SNX6: variants seen among roughly 807,000 people sequenced by gnomAD.
The protein encoded by SNX6 is sorting nexin 6.
In SNX6, 34 loss-of-function variants were observed where a neutral mutation model predicts 63.0. The observed-to-expected ratio is 0.54, with a 90% CI of 0.41 to 0.72. The LOEUF (loss-of-function observed/expected upper bound fraction) is 0.72. Ranked by LOEUF, SNX6 falls within the 30% of genes least tolerant of loss-of-function variation. The pLI is 0.00. For synonymous variants in SNX6, 170 were observed against 164.2 expected, an observed-to-expected ratio of 1.04 and a Z score of -0.27; for missense variants, 398 against 471.4, an observed-to-expected ratio of 0.84 and a Z score of 1.44.
chr14:34,609,717 T>G lies in SNX6; in HGVS notation c.80A>C (p.Gln27Pro), dbSNP rs1883152170. ...RGLKAINVDLQSDAALQVDIS... is the reference protein window; with the variant it reads ...RGLKAINVDLPSDAALQVDIS... ...GTCCACCTGCAGAGCAGCATCACTT[T>G]GAAGATCTACATTTATTGCTTTAAG... The change falls in exon 3 of 14, where the codon CAA (glutamine) becomes CCA (proline). Residue 27 changes from glutamine to proline, a missense_variant. Physicochemically the swap from Gln to Pro is moderately conservative, Grantham distance 76 (BLOSUM62 -1). Coordinates refer to ENST00000362031, the MANE Select transcript of SNX6 (RefSeq NM_152233.4). 6.2e-7 allele frequency: 1 copy of G among 1,611,914 alleles called. No individual in the cohort carries two copies.
intron 2 of SNX6, among the ~76,000 whole-genome samples, chr14:34,619,248 C>T (rs926181997): frequency 6.6e-6 from 1 of 152,006 alleles, no homozygotes; most frequent in Non-Finnish European, 1.5e-5. Flanking sequence ...ATGGTGAAAC[C>T]CCATCTCTAC....
At chr14:34,582,062 C>T (rs1006224460) in intron 9 of SNX6, among the ~76,000 whole-genome samples, 1 of 151,354 alleles carries the variant, frequency 6.6e-6, no homozygotes, top group African/African-American at 2.4e-5. Context: ...CTCTTGACCT[C>T]GTGATCCGCC....
intron 8 of SNX6, among the ~76,000 whole-genome samples, chr14:34,591,847 C>CATA (rs75277332): frequency 2.7e-4 from 41 of 152,056 alleles, no homozygotes; most frequent in Middle Eastern, 3.4e-3. Context: ...TATTCATAAA[C>CATA]AGTTTATCAG....
intron 13 of SNX6, among the ~76,000 whole-genome samples, chr14:34,564,412 G>A (rs748076857): frequency 1.3e-5 from 2 of 152,154 alleles, no homozygotes; most frequent in Non-Finnish European, 2.9e-5. Context: ...AACCACAAAT[G>A]TCTCCAGATA....
chr14:34,608,080 T>C lies in SNX6; in HGVS notation c.220A>G (p.Ile74Val), dbSNP rs1384232714. ...FSVVRQHEEF[I>V]WLHDSFVENE... Reference sequence around the variant, plus strand: ...TCAACAAAGGAATCATGAAGCCAGATAAATTCCTCATGTTGCCGAACAACT... The same window carrying C: ...TCAACAAAGGAATCATGAAGCCAGACAAATTCCTCATGTTGCCGAACAACT... The change falls in exon 4 of 14, where the codon ATC becomes GTC. Residue 74 changes from isoleucine to valine, a missense_variant. Coordinates refer to ENST00000362031, the MANE Select transcript of SNX6 (RefSeq NM_152233.4). 1 of 1,611,172 alleles carries C rather than the reference T, an allele frequency of 6.2e-7. No homozygotes were observed.
intron 5 of SNX6, chr14:34,605,388 C>A: frequency 2.9e-6 from 1 of 346,320 alleles, no homozygotes; most frequent in Non-Finnish European, 5.2e-6. Flanking sequence ...ATTTAAATAA[C>A]TTTACAGTGG....
intron 11 of SNX6, among the ~76,000 whole-genome samples, chr14:34,574,585 G>A (rs1881605228): frequency 7.4e-6 from 1 of 135,384 alleles, no homozygotes; most frequent in African/African-American, 2.8e-5. Flanking sequence ...AGAAGGAAGA[G>A]GTTACAGTTG....
At chr14:34,574,018 A>G (rs1322374065) in intron 11 of SNX6, among the ~76,000 whole-genome samples, 2 of 151,846 alleles carry the variant, frequency 1.3e-5, no homozygotes, top group Admixed American at 6.6e-5. Context: ...CTCATGCTCA[A>G]TGGAGGACTT....
chr14:34,610,405 T>C (rs572907401), intron 2 of SNX6, among the ~76,000 whole-genome samples: 3 of 151,600 alleles, frequency 2.0e-5, no homozygotes, highest in South Asian at 4.2e-4. Context: ...AAACCCTATT[T>C]TCCAAGAAAG....
intron 8 of SNX6, among the ~76,000 whole-genome samples, chr14:34,587,798 AT>A (rs1168575667): frequency 0.32 from 34,538 of 107,020 alleles, 5,288 homozygotes; most frequent in Non-Finnish European, 0.39. Context: ...CGGTTGGCTA[AT>A]TTTTTTTTTT....
intron 9 of SNX6, among the ~76,000 whole-genome samples, chr14:34,585,049 T>C (rs1385194061): frequency 6.6e-6 from 1 of 151,986 alleles, no homozygotes; most frequent in Non-Finnish European, 1.5e-5. Context: ...ACAGGGTTTC[T>C]CCATGTTGGT....
At chr14:34,617,607 CAAAAAAAAAAA>C (rs34716944) in intron 2 of SNX6, among the ~76,000 whole-genome samples, 17 of 66,936 alleles carry the variant, frequency 2.5e-4, no homozygotes, top group East Asian at 1.3e-3. Context: ...GACCCTGTCT[CAAAAAAAAAAA>C]AAAAAAAAAA....
intron 9 of SNX6, among the ~76,000 whole-genome samples, chr14:34,582,827 G>C (rs1038666349): frequency 4.0e-5 from 6 of 151,676 alleles, no homozygotes; most frequent in Non-Finnish European, 8.8e-5. Context: ...ACAGGCATGA[G>C]TCACTGTGCC....
chr14:34,621,872 T>A (rs753123626), intron 2 of SNX6, among the ~76,000 whole-genome samples: 9 of 151,778 alleles, frequency 5.9e-5, no homozygotes, highest in African/African-American at 2.2e-4. Flanking sequence ...ACTGGTTTCT[T>A]TGTTTTCTGA....
At chr14:34,567,827 T>C in intron 12 of SNX6, 27 bp downstream of exon 12, 1 of 1,613,372 alleles carries the variant, frequency 6.2e-7, no homozygotes, top group Non-Finnish European at 8.5e-7. Flanking sequence ...AAGCATATCT[T>C]GTGATTAAAG....
chr14:34,571,182 C>T (rs924033920), intron 11 of SNX6, among the ~76,000 whole-genome samples: 1 of 151,674 alleles, frequency 6.6e-6, no homozygotes. Flanking sequence ...GTCTGTAATC[C>T]CAGCACTTTG....
intron 2 of SNX6, among the ~76,000 whole-genome samples, chr14:34,617,796 C>T (rs1406447127): frequency 6.6e-6 from 1 of 151,724 alleles, no homozygotes; most frequent in Non-Finnish European, 1.5e-5. Flanking sequence ...TGGCGGGCAC[C>T]TGTAGTCCCA....
intron 10 of SNX6, among the ~76,000 whole-genome samples, chr14:34,577,681 C>T (rs1473846291): frequency 1.3e-5 from 2 of 151,922 alleles, no homozygotes; most frequent in Non-Finnish European, 2.9e-5. Context: ...ATATATGGGA[C>T]CTTGTTTGTA....
intron 6 of SNX6, 87 bp downstream of exon 6, chr14:34,603,261 G>C: frequency 7.5e-7 from 1 of 1,333,814 alleles, no homozygotes; most frequent in Non-Finnish European, 1.0e-6. Context: ...ACTCCAGCCT[G>C]GAAGACAGAG....
Sources: allele counts gnomAD v4.1 joint callset (sites outside exome capture counted in the v4.1 genomes callset), GRCh38; gene constraint gnomAD v4.1.1; transcripts MANE v1.5; gene names NCBI Gene and HGNC (gene_info 2026-07-23, HGNC 2026-07-21).